Variants in SLC37A1 observed in about 807,000 individuals in gnomAD.
SLC37A1 encodes the protein solute carrier family 37 member 1.
In SLC37A1, 49 loss-of-function variants were observed where a neutral mutation model predicts 75.3. The ratio of observed to expected loss-of-function variants is 0.65; its 90% CI spans 0.52 to 0.83. SLC37A1 has a LOEUF of 0.83. Ranked by LOEUF, SLC37A1 falls within the 40% of genes least tolerant of loss-of-function variation. The pLI, the probability that SLC37A1 is intolerant of heterozygous loss-of-function variation, is 0.00. For synonymous variants in SLC37A1, 268 were observed against 292.1 expected, an observed-to-expected ratio of 0.92 and a Z score of 0.84; for missense variants, 566 against 695.0, an observed-to-expected ratio of 0.81 and a Z score of 2.09.
chr21:42,563,360 C>G (rs1374511099), intron 12 of SLC37A1, among the ~76,000 whole-genome samples: 1 of 152,236 alleles, frequency 6.6e-6, no homozygotes, highest in Non-Finnish European at 1.5e-5. Context: ...GCAGTTTCCT[C>G]TCCCACACCC....
chr21:42,543,434 A>G lies in SLC37A1; in HGVS notation c.564-2A>G. On this transcript the variant is annotated splice_acceptor_variant, in intron 7 of 19. Transcript: ENST00000352133. LOFTEE classifies it high-confidence loss of function. ...TCTGTCTTCTGTTTTGTTGTGCTGC[A>G]GGAGAGGTTTGATTATGGGGGTCTG... 6.2e-7 allele frequency: 1 copy of G among 1,614,122 alleles called. No homozygotes were observed. Among genetic ancestry groups the G allele is most frequent in the Non-Finnish European group, 8.5e-7 (1 of 1,180,022 alleles).
chr21:42,558,223 T>G lies in SLC37A1; in HGVS notation c.850-735T>G, dbSNP rs531814107. ...TCACTCTTCTTTGCTTTAATGAATG[T>G]ACACTTTGTCCTTTAGGAACGTCTA... On this transcript the variant is annotated intron_variant, in intron 10 of 19. Coordinates refer to ENST00000352133, the MANE Select transcript of SLC37A1 (RefSeq NM_001320537.2). Among the ~76,000 whole-genome samples, 11 of 152,396 alleles carry G rather than the reference T, an allele frequency of 7.2e-5. No homozygotes were observed. The South Asian group carries it at 1.9e-3, about 26-fold the overall frequency.
At chr21:42,557,049 CG>C (rs1483383424) in intron 10 of SLC37A1, among the ~76,000 whole-genome samples, 1 of 152,192 alleles carries the variant, frequency 6.6e-6, no homozygotes, top group Non-Finnish European at 1.5e-5. Flanking sequence ...GGGCCGTGGG[CG>C]GCCTTTGGGC....
At position 42,522,736 on chromosome 21, in the gene SLC37A1, C is replaced by T. The variant is rs868453209; in HGVS notation, c.57-3040C>T. On this transcript the variant is annotated intron_variant, in intron 2 of 19. Transcript: ENST00000352133. ...TAAATGGACCCTTCACCCAATTCTA[C>T]AGGACGGCTTCTGTCAGCCTGGCTA... Among the ~76,000 whole-genome samples, 29 of 152,358 alleles carry T rather than the reference C, an allele frequency of 1.9e-4. No homozygotes were observed. In the Middle Eastern group the frequency reaches 0.01, roughly 54 times the overall value.
At chr21:42,575,185 T>TCA (rs2056279872) in intron 18 of SLC37A1, 1 of 984,190 alleles carries the variant, frequency 1.0e-6, no homozygotes, top group Admixed American at 6.1e-5. Flanking sequence ...ATCCTGCCTG[T>TCA]CACCTGTCAT....
chr21:42,576,461 T>G (rs906458393), intron 18 of SLC37A1, among the ~76,000 whole-genome samples: 2 of 152,224 alleles, frequency 1.3e-5, no homozygotes, highest in African/African-American at 4.8e-5. Context: ...ATAGGATTTC[T>G]GTAGCTAACA....
At chr21:42,525,691 A>G (rs2054771387) in intron 2 of SLC37A1, 85 bp from the exon 3 acceptor site, 3 of 902,540 alleles carry the variant, frequency 3.3e-6, no homozygotes, top group Non-Finnish European at 5.4e-6. Flanking sequence ...ACACAGCATA[A>G]GAACGTTTCA....
In SLC37A1 at chr21:42,563,880, G is replaced by A; in HGVS notation, c.1135+3G>A. On this transcript the variant is annotated splice_donor_region_variant and intron_variant, in intron 13 of 19. Transcript: ENST00000352133. The stretch of plus-strand genomic sequence containing the variant: ...GTTTGACGTGGGCGGAATCTTTGGT[G>A]AGTTCATTAAGACTTGTTCTGCTGC... The A allele has an allele frequency of 5.0e-6, 8 of 1,614,208 alleles. No individual in the cohort carries two copies. Among genetic ancestry groups the A allele is most frequent in the Non-Finnish European group, 6.8e-6 (8 of 1,180,018 alleles).
Position 42,580,713 on chromosome 21 carries a change from T to C in SLC37A1, c.*353T>C. On this transcript the variant is annotated 3_prime_UTR_variant, in exon 20 of 20. Coordinates refer to ENST00000352133, the MANE Select transcript of SLC37A1 (RefSeq NM_001320537.2). The stretch of plus-strand genomic sequence containing the variant: ...GGGTGCACAGGTAGCCCCGACCCTC[T>C]CAGGCATTCCAGCCACAGAACATCA... The C allele has an allele frequency of 2.6e-6, 1 of 378,344 alleles. No homozygotes were observed. The highest frequency in any genetic ancestry group is 3.2e-5 in the South Asian group (1 of 31,244). The allele number at this position is 378,344 out of a possible 1,614,324, so 23.4% of individuals were successfully genotyped here.
At position 42,554,141 on chromosome 21, in the gene SLC37A1, T is replaced by G; in HGVS notation, c.848T>G (p.Leu283Arg). The change falls in exon 10 of 20, where the codon CTG becomes CGG. Residue 283 changes from leucine (L) to arginine (R), a missense_variant and splice_region_variant. By Grantham distance (102) the Leu-to-Arg change is moderately radical. Transcript: ENST00000352133. ...TTGAAGAGCGAAAAGAACAAGCCTCTGGTAAGTCACACACAACTTCCACTT... is the reference window on the plus strand; with the variant it reads ...TTGAAGAGCGAAAAGAACAAGCCTCGGGTAAGTCACACACAACTTCCACTT... ...QILKSEKNKP[L>R]DPEMQCLLLS... The G allele has an allele frequency of 6.2e-7, 1 of 1,613,152 alleles. No homozygotes were observed. Among genetic ancestry groups the G allele is most frequent in the Non-Finnish European group, 8.5e-7 (1 of 1,179,626 alleles).
intron 6 of SLC37A1, 126 bp downstream of exon 6, chr21:42,539,773 G>A (rs187674929): frequency 4.2e-6 from 4 of 944,948 alleles, no homozygotes; most frequent in Admixed American, 6.6e-5. Flanking sequence ...TCGGAAGTCA[G>A]GGTCAGCTGA....
chr21:42,533,157 G>A (rs1601696364), intron 3 of SLC37A1, among the ~76,000 whole-genome samples: 1 of 152,166 alleles, frequency 6.6e-6, no homozygotes, highest in East Asian at 1.9e-4. Flanking sequence ...CCTGCCCAGC[G>A]TTCTGTGCCC....
chr21:42,569,592 C>G (rs1172447915), intron 17 of SLC37A1, among the ~76,000 whole-genome samples: 1 of 151,968 alleles, frequency 6.6e-6, no homozygotes, highest in Non-Finnish European at 1.5e-5. Context: ...AGATATCATC[C>G]TCTCAGCAAG....
chr21:42,557,621 G>A (rs981588483), intron 10 of SLC37A1, among the ~76,000 whole-genome samples: 3 of 152,240 alleles, frequency 2.0e-5, no homozygotes, highest in South Asian at 2.1e-4. Context: ...CCTGGGGCAC[G>A]TAGACGCTGG....
At position 42,565,687 on chromosome 21, in the gene SLC37A1, C is replaced by T. The variant is rs545213359; in HGVS notation, c.1222-140C>T. The T allele has an allele frequency of 6.3e-5, 44 of 702,860 alleles. No individual in the cohort carries two copies. In the South Asian group the frequency reaches 6.5e-4, roughly 10 times the overall value. The allele number at this position is 702,860 out of a possible 1,614,324, so 43.5% of individuals were successfully genotyped here. A position where few individuals can be genotyped will look rare whatever the true frequency, so the allele number is the denominator to read the frequency against. ...TACCTGAGACGGGAGGGGGCGTGGC[C>T]GTCACGCTTTTTTAGGGGTTTCCAC... On this transcript the variant is annotated intron_variant, in intron 14 of 19. Transcript: ENST00000352133.
intron 3 of SLC37A1, among the ~76,000 whole-genome samples, chr21:42,533,275 TC>T (rs1398805467): frequency 6.6e-6 from 1 of 151,932 alleles, no homozygotes. Flanking sequence ...GGGCACTCGA[TC>T]CCCCTAAGGG....
intron 1 of SLC37A1, among the ~76,000 whole-genome samples, chr21:42,515,204 G>A (rs939176008): frequency 6.6e-6 from 1 of 151,904 alleles, no homozygotes; most frequent in Non-Finnish European, 1.5e-5. Context: ...TCTTTAATAT[G>A]GAAAGCGCCT....
intron 19 of SLC37A1, among the ~76,000 whole-genome samples, chr21:42,580,088 C>T (rs1008893461): frequency 2.6e-5 from 4 of 152,058 alleles, no homozygotes; most frequent in African/African-American, 9.7e-5. Context: ...TGCTCGCCCC[C>T]TTCTCCCTCC....
At chr21:42,563,968 CCCAA>C in intron 13 of SLC37A1, 91 bp downstream of exon 13, 3 of 1,458,484 alleles carry the variant, frequency 2.1e-6, no homozygotes, top group Non-Finnish European at 2.9e-6. Context: ...AACAGGGTTC[CCCAA>C]GGTCTCATAT....
Sources: gnomAD v4.1 joint callset for allele counts (sites outside exome capture counted in the v4.1 genomes callset) on GRCh38, gnomAD v4.1.1 for gene constraint, MANE v1.5 for transcripts, NCBI Gene and HGNC (gene_info 2026-07-23, HGNC 2026-07-21) for gene names.